Variants in CAMK1D observed in about 807,000 individuals in gnomAD.
The protein encoded by CAMK1D is calcium/calmodulin dependent protein kinase ID.
Under a neutral mutation model 47.7 loss-of-function variants are expected in CAMK1D, and 9 were observed. The observed-to-expected ratio is 0.19, with a 90% confidence interval of 0.11 to 0.33. CAMK1D has a LOEUF of 0.33. Among genes scored for constraint, CAMK1D ranks in the 10% least tolerant of loss-of-function variants. The probability of loss-of-function intolerance (pLI) is 1.00; values close to 1 mark genes in which losing one functional copy is unlikely to be tolerated. For synonymous variants in CAMK1D, 184 were observed against 184.9 expected, an observed-to-expected ratio of 0.99 and a Z score of 0.04; for missense variants, 291 against 488.7, an observed-to-expected ratio of 0.60 and a Z score of 3.81.
At chr10:12,414,577 C>T (rs1839780977) in intron 1 of CAMK1D, among the ~76,000 whole-genome samples, 1 of 152,172 alleles carries the variant, frequency 6.6e-6, no homozygotes, top group Non-Finnish European at 1.5e-5. Flanking sequence ...TTTCTCGAGC[C>T]TCGCTGTTGG....
At chr10:12,566,485 G>A (rs12254938) in intron 2 of CAMK1D, among the ~76,000 whole-genome samples, 4,522 of 152,210 alleles carry the variant, frequency 0.03, 225 homozygotes, top group African/African-American at 0.1. Context: ...TGCTTTCCTC[G>A]GTTATCTGAC....
intron 3 of CAMK1D, among the ~76,000 whole-genome samples, chr10:12,694,098 TATA>T (rs1833082593): frequency 1.8e-5 from 1 of 54,828 alleles, no homozygotes; most frequent in African/African-American, 7.4e-5. Flanking sequence ...ATATATATTA[TATA>T]ATATATAATA....
intron 1 of CAMK1D, among the ~76,000 whole-genome samples, chr10:12,544,352 C>T (rs571000488): frequency 2.6e-5 from 4 of 152,232 alleles, no homozygotes; most frequent in Admixed American, 1.3e-4. Context: ...TTTTATTTCT[C>T]CCACAGTTAT....
intron 3 of CAMK1D, among the ~76,000 whole-genome samples, chr10:12,714,535 A>C (rs1215082671): frequency 6.6e-6 from 1 of 152,136 alleles, no homozygotes; most frequent in Non-Finnish European, 1.5e-5. Flanking sequence ...CCTGGCCAAC[A>C]TGATGAAACC....
chr10:12,667,678 A>T (rs1840477364), intron 3 of CAMK1D, among the ~76,000 whole-genome samples: 1 of 152,258 alleles, frequency 6.6e-6, no homozygotes, highest in Admixed American at 6.5e-5. Flanking sequence ...ACATTAGAAT[A>T]TAGACTTAAT....
chr10:12,368,411 A>G (rs551547554), intron 1 of CAMK1D, among the ~76,000 whole-genome samples: 2 of 152,206 alleles, frequency 1.3e-5, no homozygotes, highest in African/African-American at 4.8e-5. Flanking sequence ...ATTAAAAAAA[A>G]AAAAGTTTGT....
intron 3 of CAMK1D, among the ~76,000 whole-genome samples, chr10:12,756,512 A>G (rs557292239): frequency 9.7e-4 from 148 of 152,370 alleles, no homozygotes; most frequent in African/African-American, 3.4e-3. Flanking sequence ...ATCATGTAAA[A>G]TTTGGCAAAC....
chr10:12,565,932 G>A (rs955477849), intron 2 of CAMK1D, among the ~76,000 whole-genome samples: 1 of 152,042 alleles, frequency 6.6e-6, no homozygotes, highest in Non-Finnish European at 1.5e-5. Flanking sequence ...AATGGTGAAA[G>A]AATAAATCCG....
At chr10:12,362,158 G>A (rs1477286266) in intron 1 of CAMK1D, among the ~76,000 whole-genome samples, 1 of 152,138 alleles carries the variant, frequency 6.6e-6, no homozygotes, top group Non-Finnish European at 1.5e-5. Flanking sequence ...GTACATTACA[G>A]CATTGTCCAA....
chr10:12,500,205 G>T (rs143485675), intron 1 of CAMK1D, among the ~76,000 whole-genome samples: 19,435 of 152,182 alleles, frequency 0.13, 1,382 homozygotes, highest in Non-Finnish European at 0.17. Context: ...GGTGGAGGTT[G>T]CAGTGAGCTG....
At chr10:12,603,573 T>C (rs944988075) in intron 2 of CAMK1D, among the ~76,000 whole-genome samples, 3 of 152,094 alleles carry the variant, frequency 2.0e-5, no homozygotes, top group African/African-American at 7.2e-5. Context: ...TTCGATGGAG[T>C]GGGACCTCGG....
intron 3 of CAMK1D, among the ~76,000 whole-genome samples, chr10:12,755,867 A>G (rs1313227823): frequency 6.6e-6 from 1 of 152,172 alleles, no homozygotes; most frequent in Non-Finnish European, 1.5e-5. Context: ...GACTAAACAT[A>G]AAGAAGAGAA....
chr10:12,789,862 T>C (rs529390537), intron 5 of CAMK1D, among the ~76,000 whole-genome samples: 1 of 152,372 alleles, frequency 6.6e-6, no homozygotes, highest in South Asian at 2.1e-4. Flanking sequence ...GGAAAGTCTG[T>C]GCTAAAGACA....
At chr10:12,413,137 A>G (rs1452217278) in intron 1 of CAMK1D, among the ~76,000 whole-genome samples, 1 of 152,192 alleles carries the variant, frequency 6.6e-6, no homozygotes, top group Non-Finnish European at 1.5e-5. Context: ...TACAGGAAGC[A>G]TGGTCTGTCA....
chr10:12,681,656 GC>G (rs36122161), intron 3 of CAMK1D, among the ~76,000 whole-genome samples: 1 of 152,154 alleles, frequency 6.6e-6, no homozygotes, highest in African/African-American at 2.4e-5. Flanking sequence ...TAAGCTAACT[GC>G]CCCATAGTCT....
At chr10:12,755,449 C>A (rs1343584226) in intron 3 of CAMK1D, among the ~76,000 whole-genome samples, 1 of 152,218 alleles carries the variant, frequency 6.6e-6, no homozygotes, top group African/African-American at 2.4e-5. Flanking sequence ...GTGAATAGTG[C>A]TGCAGTAAAC....
At chr10:12,744,120 T>G (rs1204903238) in intron 3 of CAMK1D, among the ~76,000 whole-genome samples, 1 of 152,220 alleles carries the variant, frequency 6.6e-6, no homozygotes, top group Admixed American at 6.5e-5. Context: ...CTTAGCATAA[T>G]GTTTTCAATG....
rs1395370391 is a variant in CAMK1D, at chr10:12,520,188, G to A, written c.93-33037G>A. 6.7e-5 allele frequency among the ~76,000 whole-genome samples: 5 copies of A among 74,312 alleles called. 1 individual carries two copies. Among genetic ancestry groups the A allele is most frequent in the African/African-American group, 1.0e-4 (2 of 19,088 alleles). The allele number at this position is 74,312 out of a possible 152,430, so 48.8% of individuals were successfully genotyped here. ...CACTTCTCAGACGGGGCGGTTGCCA[G>A]GCAGAGGGTTTCCTCACTTCTCAGA... On this transcript the variant is annotated intron_variant, in intron 1 of 10. Transcript: ENST00000619168.
intron 1 of CAMK1D, among the ~76,000 whole-genome samples, chr10:12,426,204 T>G (rs946752132): frequency 4.6e-5 from 7 of 152,224 alleles, no homozygotes; most frequent in Non-Finnish European, 7.4e-5. Context: ...AGCTCAAGAC[T>G]TGCCTGTTTA....
Sources: allele counts gnomAD v4.1 joint callset (sites outside exome capture counted in the v4.1 genomes callset), GRCh38; gene constraint gnomAD v4.1.1; transcripts MANE v1.5; gene names NCBI Gene and HGNC (gene_info 2026-07-23, HGNC 2026-07-21).